Variants in ZFPM2 observed in about 807,000 individuals in gnomAD.
ZFPM2 encodes the protein zinc finger protein ZFPM2.
A neutral mutation model predicts 98.6 loss-of-function variants in ZFPM2; 20 were observed. The observed-to-expected ratio is 0.20, with a 90% confidence interval of 0.14 to 0.29. The LOEUF (loss-of-function observed/expected upper bound fraction) is 0.29, where lower values mean the gene tolerates loss of function less well. Ranked by LOEUF, ZFPM2 falls within the 10% of genes least tolerant of loss-of-function variation. The pLI, the probability that ZFPM2 is intolerant of heterozygous loss-of-function variation, is 1.00. For synonymous variants in ZFPM2, 518 were observed against 502.7 expected (o/e 1.03, Z -0.41); for missense variants, 1,310 against 1,388.6 (o/e 0.94, Z 0.90).
intron 1 of ZFPM2, among the ~76,000 whole-genome samples, chr8:105,375,675 G>A (rs1810712217): frequency 6.6e-6 from 1 of 152,120 alleles, no homozygotes; most frequent in Non-Finnish European, 1.5e-5. Flanking sequence ...CAGATTAGAT[G>A]TTGTGGGCTT....
chr8:105,455,543 A>T (rs569736729), intron 3 of ZFPM2, among the ~76,000 whole-genome samples: 1 of 150,600 alleles, frequency 6.6e-6, no homozygotes, highest in East Asian at 2.0e-4. Flanking sequence ...CTCAAAGCCA[A>T]TCTGAAGACA....
intron 4 of ZFPM2, among the ~76,000 whole-genome samples, chr8:105,612,498 T>C (rs1816327492): frequency 6.6e-6 from 1 of 152,134 alleles, no homozygotes; most frequent in Non-Finnish European, 1.5e-5. Flanking sequence ...CAAATGAACT[T>C]TTAGAGTCTA....
chr8:105,682,135 C>A (rs1356397448), intron 5 of ZFPM2, among the ~76,000 whole-genome samples: 2 of 152,140 alleles, frequency 1.3e-5, no homozygotes, highest in African/African-American at 2.4e-5. Context: ...CCGTTCAAGC[C>A]ATTACAAGCA....
Position 105,393,337 on chromosome 8 carries a change from C to CCTTTCTTTCTTTCTTTCTTTCTTTCTTT in ZFPM2, c.41-25779_41-25752dup, listed in dbSNP as rs1196120373. ...TCTTCCTTCCCTCTCTCTCTCTTTGCCTTTCTTTCTTTCTTTCTTTCTTTC... is the reference window on the plus strand; with the variant it reads ...TCTTCCTTCCCTCTCTCTCTCTTTGCCTTTCTTTCTTTCTTTCTTTCTTTCTTTCTTTCTTTCTTTCTTTCTTTCTTTC... On this transcript the variant is annotated intron_variant, in intron 1 of 7. Transcript: ENST00000407775. 2.3e-3 allele frequency among the ~76,000 whole-genome samples: 263 copies of CCTTTCTTTCTTTCTTTCTTTCTTTCTTT among 114,794 alleles called. 1 individual carries two copies. Among genetic ancestry groups the CCTTTCTTTCTTTCTTTCTTTCTTTCTTT allele is most frequent in the East Asian group, 4.9e-3 (18 of 3,680 alleles). The allele number at this position is 114,794 out of a possible 152,430, so 75.3% of individuals were successfully genotyped here. A position where few individuals can be genotyped will look rare whatever the true frequency, so the allele number is the denominator to read the frequency against.
chr8:105,670,239 G>A (rs1817564532), intron 5 of ZFPM2, among the ~76,000 whole-genome samples: 1 of 152,088 alleles, frequency 6.6e-6, no homozygotes, highest in Non-Finnish European at 1.5e-5. Flanking sequence ...GCTGAAGCCT[G>A]TAATCCCAGC....
chr8:105,507,870 G>T (rs1813735726), intron 3 of ZFPM2, among the ~76,000 whole-genome samples: 2 of 152,160 alleles, frequency 1.3e-5, no homozygotes, highest in South Asian at 4.1e-4. Context: ...GAGAGTAATT[G>T]AAACTGATGA....
chr8:105,450,493 A>G (rs752533311), intron 3 of ZFPM2, among the ~76,000 whole-genome samples: 17 of 152,168 alleles, frequency 1.1e-4, no homozygotes, highest in Admixed American at 7.9e-4. Context: ...AGGAAATCCT[A>G]GAATGACTGT....
chr8:105,460,791 GAA>G (rs34141914), intron 3 of ZFPM2, among the ~76,000 whole-genome samples: 34 of 149,972 alleles, frequency 2.3e-4, no homozygotes, highest in Admixed American at 8.0e-4. Flanking sequence ...ATCCTGAAAA[GAA>G]AAAAAAAATG....
chr8:105,497,025 G>T (rs1018511585), intron 3 of ZFPM2, among the ~76,000 whole-genome samples: 1 of 142,616 alleles, frequency 7.0e-6, no homozygotes, highest in Non-Finnish European at 1.5e-5. Flanking sequence ...TCGCTCTGTC[G>T]CCCAGGCTGG....
At chr8:105,451,452 G>A (rs968036986) in intron 3 of ZFPM2, 8 of 152,216 alleles carry the variant, frequency 5.3e-5, no homozygotes, top group Admixed American at 6.5e-5. Context: ...ACCTCAGAAT[G>A]TGGTGTTCTT....
intron 3 of ZFPM2, among the ~76,000 whole-genome samples, chr8:105,553,580 G>A (rs1309918995): frequency 6.6e-6 from 1 of 152,130 alleles, no homozygotes; most frequent in Non-Finnish European, 1.5e-5. Context: ...GCAATTACAA[G>A]CTAATTCAGT....
chr8:105,780,131 G>T (rs1813206427), intron 5 of ZFPM2: 1 of 152,180 alleles, frequency 6.6e-6, no homozygotes, highest in South Asian at 2.1e-4. Flanking sequence ...TCCTTTATTT[G>T]TGAAGGGAGT....
chr8:105,733,345 A>C (rs1448451988), intron 5 of ZFPM2, among the ~76,000 whole-genome samples: 4 of 151,890 alleles, frequency 2.6e-5, no homozygotes, highest in Non-Finnish European at 5.9e-5. Context: ...TCTAAGGGCT[A>C]TCCTTTAAAA....
intron 5 of ZFPM2, among the ~76,000 whole-genome samples, chr8:105,749,732 G>T (rs1390528259): frequency 2.0e-5 from 3 of 151,724 alleles, no homozygotes; most frequent in Non-Finnish European, 4.4e-5. Context: ...ATGTAGGAAA[G>T]GAAGCAAGTA....
At chr8:105,788,538 A>G (rs1813491037) in intron 5 of ZFPM2, among the ~76,000 whole-genome samples, 180 bp from the exon 6 acceptor site, 1 of 152,142 alleles carries the variant, frequency 6.6e-6, no homozygotes, top group South Asian at 2.1e-4. Context: ...CATTTAATGC[A>G]AGGAGTACAA....
At chr8:105,617,020 G>GGAAAAAAA (rs1816431048) in intron 4 of ZFPM2, among the ~76,000 whole-genome samples, 3 of 28,120 alleles carry the variant, frequency 1.1e-4, no homozygotes, top group African/African-American at 4.5e-4. Context: ...ACTCTGTCTC[G>GGAAAAAAA]AAAAAAAAAA....
In ZFPM2 at chr8:105,792,103, G is replaced by T. The variant is rs1813632751; in HGVS notation, c.739+3179G>T. ...TCTCTATTTCCTTCAGTTCTGCTCT[G>T]ATTTTAGTTATTTCTTGCCTTCTGC... On this transcript the variant is annotated intron_variant, in intron 6 of 7. Coordinates refer to ENST00000407775, the MANE Select transcript of ZFPM2 (RefSeq NM_012082.4). 3.3e-5 allele frequency among the ~76,000 whole-genome samples: 5 copies of T among 152,048 alleles called. No individual in the cohort carries two copies. The South Asian group carries it at 8.3e-4, about 25-fold the overall frequency.
intron 1 of ZFPM2, among the ~76,000 whole-genome samples, chr8:105,330,619 T>TACACAC (rs372135828): frequency 1.1e-5 from 1 of 88,470 alleles, no homozygotes; most frequent in African/African-American, 4.2e-5. Context: ...TACACATATA[T>TACACAC]ATATATATAT....
chr8:105,522,493 T>TG (rs1485806710), intron 3 of ZFPM2, among the ~76,000 whole-genome samples: 3 of 152,160 alleles, frequency 2.0e-5, no homozygotes, highest in Admixed American at 2.0e-4. Flanking sequence ...TATTTATGGC[T>TG]GGGCGCGGTG....
Sources: gnomAD v4.1 joint callset for allele counts (sites outside exome capture counted in the v4.1 genomes callset) on GRCh38, gnomAD v4.1.1 for gene constraint, MANE v1.5 for transcripts, NCBI Gene and HGNC (gene_info 2026-07-23, HGNC 2026-07-21) for gene names.